The following ERBB4 variants were observed in gnomAD, a reference collection of about 807,000 sequenced individuals.
ERBB4 encodes receptor tyrosine-protein kinase erbB-4.
A neutral mutation model predicts 158.0 loss-of-function variants in ERBB4; 42 were observed. That is an observed-to-expected ratio of 0.27 (90% CI 0.21 to 0.34). The LOEUF is 0.34. Ranked by LOEUF, ERBB4 falls within the 10% of genes least tolerant of loss-of-function variation. The probability of loss-of-function intolerance (pLI) is 1.00; values close to 1 mark genes in which losing one functional copy is unlikely to be tolerated. For missense variants in ERBB4, 1,333 were observed against 1,624.1 expected (o/e 0.82, Z 3.08); for synonymous variants, 583 against 558.7 (o/e 1.04, Z -0.61).
intron 1 of ERBB4, among the ~76,000 whole-genome samples, chr2:212,269,439 G>A (rs2085265162): frequency 6.6e-6 from 1 of 151,808 alleles, no homozygotes; most frequent in African/African-American, 2.4e-5. Context: ...AAAGCCAGCT[G>A]ATTGGCATGA....
chr2:211,750,773 C>T (rs2075108912), intron 4 of ERBB4, 69 bp from the exon 5 acceptor site: 2 of 1,321,150 alleles, frequency 1.5e-6, no homozygotes, highest in East Asian at 4.6e-5. Flanking sequence ...AGGAGTAACT[C>T]CTCAAAGGAA....
At chr2:211,395,826 C>T (rs951636738) in intron 25 of ERBB4, among the ~76,000 whole-genome samples, 3 of 151,940 alleles carry the variant, frequency 2.0e-5, no homozygotes, top group Non-Finnish European at 4.4e-5. Context: ...TATTAAAAAT[C>T]GATATACACA....
intron 20 of ERBB4, among the ~76,000 whole-genome samples, chr2:211,540,022 A>G (rs931030518): frequency 6.6e-6 from 1 of 151,864 alleles, no homozygotes; most frequent in Admixed American, 6.6e-5. Context: ...ATATATCCAT[A>G]AGTCATGCAA....
chr2:212,526,007 A>T (rs1692426463), intron 1 of ERBB4, among the ~76,000 whole-genome samples: 1 of 152,076 alleles, frequency 6.6e-6, no homozygotes. Flanking sequence ...CAGATCTGGA[A>T]CAATTGAAAT....
At chr2:212,256,022 G>GA (rs1274503723) in intron 1 of ERBB4, among the ~76,000 whole-genome samples, 4 of 150,576 alleles carry the variant, frequency 2.7e-5, no homozygotes, top group Admixed American at 6.6e-5. Flanking sequence ...ACAAATGGGG[G>GA]GGGGTCTCAC....
chr2:212,388,249 C>G (rs1165869292), intron 1 of ERBB4, among the ~76,000 whole-genome samples: 1 of 152,040 alleles, frequency 6.6e-6, no homozygotes, highest in Non-Finnish European at 1.5e-5. Flanking sequence ...TAGCTGTTAA[C>G]TCAGAAGTAC....
At chr2:211,465,880 TG>T (rs556391730) in intron 20 of ERBB4, among the ~76,000 whole-genome samples, 175 of 152,124 alleles carry the variant, frequency 1.2e-3, no homozygotes, top group African/African-American at 4.0e-3. Context: ...GATTTACCAG[TG>T]GGGATTTGCA....
At chr2:212,003,148 GGAAAGAAAGAAAGAAA>G (rs1327750603) in intron 2 of ERBB4, among the ~76,000 whole-genome samples, 12 of 15,156 alleles carry the variant, frequency 7.9e-4, no homozygotes, top group African/African-American at 1.7e-3. Flanking sequence ...AAGGAAGGAA[GGAAAGAAAGAAAGAAA>G]GAAAGAAAGA....
At chr2:211,842,257 T>A (rs558336284) in intron 3 of ERBB4, among the ~76,000 whole-genome samples, 1 of 151,714 alleles carries the variant, frequency 6.6e-6, no homozygotes, top group East Asian at 1.9e-4. Context: ...GCTGTTGGGT[T>A]TTTTTTTGGT....
chr2:212,325,517 A>C (rs2106277511), intron 1 of ERBB4, among the ~76,000 whole-genome samples: 1 of 150,934 alleles, frequency 6.6e-6, no homozygotes, highest in East Asian at 1.9e-4. Flanking sequence ...TCTGAAACTC[A>C]TCAGTTCTAG....
chr2:211,849,564 T>C (rs1024735021), intron 3 of ERBB4, among the ~76,000 whole-genome samples: 1 of 151,966 alleles, frequency 6.6e-6, no homozygotes, highest in Non-Finnish European at 1.5e-5. Flanking sequence ...AACTCTTAGA[T>C]TTCCAACTAT....
At chr2:212,430,804 G>T (rs2092011142) in intron 1 of ERBB4, among the ~76,000 whole-genome samples, 1 of 152,048 alleles carries the variant, frequency 6.6e-6, no homozygotes, top group East Asian at 1.9e-4. Flanking sequence ...TGTTGAGAAA[G>T]CAAGAGGAAA....
intron 3 of ERBB4, among the ~76,000 whole-genome samples, chr2:211,941,326 T>A (rs535866728): frequency 6.6e-6 from 1 of 152,090 alleles, no homozygotes; most frequent in South Asian, 2.1e-4. Context: ...ATGTTTGTAG[T>A]ACTTTTGTTA....
chr2:212,085,027 TGCAAATAACTGACATATA>T (rs1201635051), intron 2 of ERBB4, among the ~76,000 whole-genome samples: 1 of 151,970 alleles, frequency 6.6e-6, no homozygotes, highest in Non-Finnish European at 1.5e-5. Context: ...TAGATTGTAA[TGCAAATAACTGACATATA>T]GTGAATACAA....
At chr2:211,607,030 A>G (rs911698946) in intron 19 of ERBB4, among the ~76,000 whole-genome samples, 1 of 152,180 alleles carries the variant, frequency 6.6e-6, no homozygotes, top group Non-Finnish European at 1.5e-5. Context: ...TGTACGCATT[A>G]TACTAGACAT....
chr2:212,091,493 C>T (rs2078774835), intron 2 of ERBB4, among the ~76,000 whole-genome samples: 1 of 152,082 alleles, frequency 6.6e-6, no homozygotes, highest in African/African-American at 2.4e-5. Flanking sequence ...GGCAAATTTA[C>T]TTGCAGTATT....
chr2:211,883,198 C>G (rs2078708111), intron 3 of ERBB4, among the ~76,000 whole-genome samples: 1 of 151,966 alleles, frequency 6.6e-6, no homozygotes, highest in African/African-American at 2.4e-5. Flanking sequence ...ATCGCAAGGA[C>G]AAAAAACCAA....
intron 20 of ERBB4, among the ~76,000 whole-genome samples, chr2:211,559,117 G>T (rs2067316566): frequency 6.6e-6 from 1 of 151,870 alleles, no homozygotes; most frequent in Admixed American, 6.6e-5. Flanking sequence ...ACCACCTCAG[G>T]AAATGATCTC....
chr2:212,128,927 G>GA (rs754958917), intron 1 of ERBB4, among the ~76,000 whole-genome samples: 67 of 151,988 alleles, frequency 4.4e-4, no homozygotes, highest in Non-Finnish European at 8.5e-4. Context: ...GGCCCTTTTG[G>GA]AAAAAACCTT....
Sources: gnomAD v4.1 joint callset for allele counts (sites outside exome capture counted in the v4.1 genomes callset) on GRCh38, gnomAD v4.1.1 for gene constraint, MANE v1.5 for transcripts, NCBI Gene and HGNC (gene_info 2026-07-23, HGNC 2026-07-21) for gene names.